Variants in TSPAN11 observed in about 807,000 individuals in gnomAD.
TSPAN11 encodes tetraspanin 11, also known as tetraspanin-11.
Under a neutral mutation model 32.9 loss-of-function variants are expected in TSPAN11, and 29 were observed. The ratio of observed to expected loss-of-function variants is 0.88; its 90% CI spans 0.66 to 1.20. The LOEUF (loss-of-function observed/expected upper bound fraction) is 1.20. TSPAN11 is among the 50% of genes most tolerant of loss of function. The pLI, the probability that TSPAN11 is intolerant of heterozygous loss-of-function variation, is 0.00. For synonymous variants in TSPAN11, 140 were observed against 141.3 expected, an observed-to-expected ratio of 0.99 and a Z score of 0.07; for missense variants, 283 against 329.1, an observed-to-expected ratio of 0.86 and a Z score of 1.08.
intron 7 of TSPAN11, among the ~76,000 whole-genome samples, 191 bp downstream of exon 7, chr12:30,983,341 G>T (rs1378437284): frequency 4.6e-5 from 7 of 152,196 alleles, no homozygotes; most frequent in African/African-American, 1.7e-4. Context: ...CTCCCCCAGA[G>T]AACATGAAGG....
intron 1 of TSPAN11, among the ~76,000 whole-genome samples, chr12:30,952,811 G>A (rs968969616): frequency 1.3e-5 from 2 of 152,170 alleles, no homozygotes; most frequent in African/African-American, 2.4e-5. Flanking sequence ...CTGGCTGATC[G>A]TCTGCCTGAA....
At chr12:30,947,576 C>CAAGAACAG (rs1472931124) in intron 1 of TSPAN11, among the ~76,000 whole-genome samples, 3 of 152,110 alleles carry the variant, frequency 2.0e-5, no homozygotes, top group Non-Finnish European at 2.9e-5. Flanking sequence ...GAGAGAGAAG[C>CAAGAACAG]AAGAACAGAA....
chr12:30,953,558 G>A (rs1938423061), intron 1 of TSPAN11, among the ~76,000 whole-genome samples: 1 of 152,172 alleles, frequency 6.6e-6, no homozygotes, highest in Admixed American at 6.5e-5. Context: ...CCACACCTGT[G>A]GATGCAGAGT....
At chr12:30,982,803 C>T in intron 6 of TSPAN11, 113 bp downstream of exon 6, 1 of 1,418,990 alleles carries the variant, frequency 7.0e-7, no homozygotes, top group Non-Finnish European at 9.4e-7. Context: ...GACACATGTG[C>T]TCCTTGGCCA....
At chr12:30,988,817 T>C (rs1294270138) in intron 7 of TSPAN11, among the ~76,000 whole-genome samples, 6 of 152,226 alleles carry the variant, frequency 3.9e-5, no homozygotes. Flanking sequence ...ACACAGCCGC[T>C]GTGGCAGAGC....
the TSPAN11 span, chr12:31,012,713 AG>A: frequency 6.6e-6 from 1 of 152,220 alleles, no homozygotes; most frequent in African/African-American, 2.4e-5. Flanking sequence ...CAGATAACCA[AG>A]GCACGGCCAA....
chr12:30,980,444 C>T (rs1011980357), intron 5 of TSPAN11, among the ~76,000 whole-genome samples: 8 of 152,238 alleles, frequency 5.3e-5, no homozygotes, highest in East Asian at 1.9e-4. Context: ...CATTGCAGAA[C>T]GTTCTCCTGG....
At chr12:30,929,961 C>A (rs1005645051) in intron 1 of TSPAN11, among the ~76,000 whole-genome samples, 1 of 152,156 alleles carries the variant, frequency 6.6e-6, no homozygotes, top group Non-Finnish European at 1.5e-5. Context: ...CATTAATGAC[C>A]GTGCCCATGA....
intron 7 of TSPAN11, among the ~76,000 whole-genome samples, chr12:30,989,859 A>G (rs1939275859): frequency 6.6e-6 from 1 of 152,188 alleles, no homozygotes; most frequent in African/African-American, 2.4e-5. Context: ...CCTGTTAAAA[A>G]TGTCCCATGT....
intron 2 of TSPAN11, among the ~76,000 whole-genome samples, chr12:30,956,760 A>C (rs1938486164): frequency 6.6e-6 from 1 of 152,200 alleles, no homozygotes; most frequent in Admixed American, 6.5e-5. Context: ...TCGCCCCTGC[A>C]ATGGTGTTCT....
chr12:30,942,118 G>C (rs2140275817), intron 1 of TSPAN11, among the ~76,000 whole-genome samples: 1 of 152,330 alleles, frequency 6.6e-6, no homozygotes, highest in South Asian at 2.1e-4. Flanking sequence ...TTCGGGCTCT[G>C]GATGATGTAT....
chr12:31,009,286 C>G, the TSPAN11 span, among the ~76,000 whole-genome samples: 139 of 152,346 alleles, frequency 9.1e-4, 2 homozygotes, highest in Admixed American at 7.0e-3. Flanking sequence ...CCACCTCCTC[C>G]TCCAGGCCTG....
rs56296744 is a variant in TSPAN11 at position 30,957,228 on chromosome 12, A to ACCCC, written c.84+3164_84+3167dup. On this transcript the variant is annotated intron_variant, in intron 2 of 7. Coordinates refer to ENST00000546076, the MANE Select transcript of TSPAN11 (RefSeq NM_001370302.1). ...TTTTTGAGTTGCTGAATGGCCTGGG[A>ACCCC]CCCCCCCCCCCCCCACACCATGGTC... Among the ~76,000 whole-genome samples the ACCCC allele has an allele frequency of 2.8e-5, 3 of 107,406 alleles. 1 individual carries two copies. Among genetic ancestry groups the ACCCC allele is most frequent in the Non-Finnish European group, 4.0e-5 (2 of 49,516 alleles). 70.5% of individuals were successfully genotyped at this position (107,406 alleles called of 152,430 possible).
intron 1 of TSPAN11, among the ~76,000 whole-genome samples, chr12:30,952,815 G>T (rs1938407954): frequency 6.6e-6 from 1 of 152,202 alleles, no homozygotes; most frequent in South Asian, 2.1e-4. Flanking sequence ...CTGATCGTCT[G>T]CCTGAATAAG....
chr12:30,941,197 A>G (rs533008433), intron 1 of TSPAN11, among the ~76,000 whole-genome samples: 5 of 152,206 alleles, frequency 3.3e-5, no homozygotes, highest in Non-Finnish European at 7.3e-5. Context: ...TGCAAAACCC[A>G]TATATACAGA....
chr12:30,954,563 A>T (rs1187741338), intron 2 of TSPAN11: 4 of 168,442 alleles, frequency 2.4e-5, no homozygotes, highest in African/African-American at 9.6e-5. Context: ...AACTCTCCTC[A>T]GGAGCCTGCC....
chr12:30,979,491 T>G (rs1939043307), intron 4 of TSPAN11, 75 bp from the exon 5 acceptor site: 2 of 1,369,078 alleles, frequency 1.5e-6, no homozygotes, highest in Non-Finnish European at 2.1e-6. Flanking sequence ...CTGGGGGGAG[T>G]TGGAAGTGGG....
rs191006991 is a variant in TSPAN11 at position 30,982,525 on chromosome 12, C to A, written c.457-7C>A. The A allele has an allele frequency of 4.4e-3, 6,982 of 1,600,616 alleles. 27 individuals carry two copies. The highest frequency in any genetic ancestry group is 5.2e-3 in the Non-Finnish European group (6,028 of 1,169,602). Reference sequence around the variant, plus strand: ...CCTCCAGCCTCTGCCTCTGCCTCTGCCTCCAGTTCAAGTGCTGTGGAAGCA... The same window carrying A: ...CCTCCAGCCTCTGCCTCTGCCTCTGACTCCAGTTCAAGTGCTGTGGAAGCA... On this transcript the variant is annotated splice_polypyrimidine_tract_variant and splice_region_variant and intron_variant, in intron 5 of 7. Transcript: ENST00000546076.
intron 1 of TSPAN11, among the ~76,000 whole-genome samples, chr12:30,932,592 T>C (rs1383993008): frequency 3.3e-5 from 5 of 152,178 alleles, no homozygotes; most frequent in Admixed American, 1.3e-4. Context: ...TGTCTGTGCC[T>C]ACCCAAAAAA....
Sources: gnomAD v4.1 joint callset for allele counts (sites outside exome capture counted in the v4.1 genomes callset) on GRCh38, gnomAD v4.1.1 for gene constraint, MANE v1.5 for transcripts, NCBI Gene and HGNC (gene_info 2026-07-23, HGNC 2026-07-21) for gene names.